Variants in ZNF469 observed in about 807,000 individuals in gnomAD.
ZNF469 encodes zinc finger protein 469.
A neutral mutation model predicts 1.0 loss-of-function variants in ZNF469; 1 was observed. The observed-to-expected ratio is 1.00, with a 90% confidence interval of 0.35 to 4.73. The LOEUF is 4.73. Among genes scored for constraint, ZNF469 ranks in the 30% most tolerant of loss-of-function variants. The pLI, the probability that ZNF469 is intolerant of heterozygous loss-of-function variation, is 0.16. For missense variants in ZNF469, 6,100 were observed against 5,356.3 expected, an observed-to-expected ratio of 1.14 and a Z score of -4.33; for synonymous variants, 2,703 against 2,363.4, an observed-to-expected ratio of 1.14 and a Z score of -4.17.
Position 88,430,455 on chromosome 16 carries a change from G to A in ZNF469, c.2985G>A (p.Arg995=). Residue 995 remains arginine (R), a synonymous_variant, in exon 3 of 3, where the codon CGG becomes CGA. Coordinates refer to ENST00000565624, the MANE Select transcript of ZNF469 (RefSeq NM_001367624.2). Reference sequence around the variant, plus strand: ...GGGAGCGGCCCCCACCCCGTCCCCGGCGCCCTAGAACGCAGGCCCCCGGGA... The same window carrying A: ...GGGAGCGGCCCCCACCCCGTCCCCGACGCCCTAGAACGCAGGCCCCCGGGA... ...GLGERPPPRP[R]RPRTQAPGSR... 1 of 1,493,864 alleles carries A rather than the reference G, an allele frequency of 6.7e-7. No homozygotes were observed. Among genetic ancestry groups the A allele is most frequent in the South Asian group, 1.3e-5 (1 of 79,098 alleles). 92.5% of individuals were successfully genotyped at this position (1,493,864 alleles called of 1,614,324 possible). A position where few individuals can be genotyped will look rare whatever the true frequency, so the allele number is the denominator to read the frequency against.
At chr16:88,190,233 T>C in the ZNF469 span, among the ~76,000 whole-genome samples, 1 of 152,226 alleles carries the variant, frequency 6.6e-6, no homozygotes, top group Non-Finnish European at 1.5e-5. Flanking sequence ...TGTTGTAAAC[T>C]CACAGGAGTG....
chr16:88,430,151 A>G lies in ZNF469; in HGVS notation c.2681A>G (p.Glu894Gly). The change falls in exon 3 of 3, where the codon GAG becomes GGG. Residue 894 changes from glutamate to glycine, a missense_variant. Physicochemically the swap from Glu to Gly is moderately conservative, Grantham distance 98. Coordinates refer to ENST00000565624, the MANE Select transcript of ZNF469 (RefSeq NM_001367624.2). ...AAGAGCAAGGCGGGGGTGACTCCAG[A>G]GAGCAAAGCTCCGCCCCCGCTCCCA... ...PLKSKAGVTP[E>G]SKAPPPLPAA... The G allele has an allele frequency of 1.9e-6, 3 of 1,549,846 alleles. No individual in the cohort carries two copies. Among genetic ancestry groups the G allele is most frequent in the Non-Finnish European group, 2.6e-6 (3 of 1,146,728 alleles).
the ZNF469 span, among the ~76,000 whole-genome samples, chr16:88,337,802 T>A: frequency 6.6e-6 from 1 of 152,212 alleles, no homozygotes; most frequent in African/African-American, 2.4e-5. Flanking sequence ...AGAAGCCCAC[T>A]CAGATACACG....
the ZNF469 span, among the ~76,000 whole-genome samples, chr16:88,197,371 C>G: frequency 1.3e-5 from 2 of 152,164 alleles, no homozygotes; most frequent in African/African-American, 2.4e-5. Context: ...CATGCTAAGT[C>G]CCCCACTAGT....
the ZNF469 span, among the ~76,000 whole-genome samples, chr16:88,227,351 C>G: frequency 1.3e-5 from 2 of 152,162 alleles, no homozygotes; most frequent in Non-Finnish European, 2.9e-5. Context: ...GAGGACCCGT[C>G]AACCGCCACT....
chr16:88,221,948 A>G, the ZNF469 span, among the ~76,000 whole-genome samples: 71,533 of 151,832 alleles, frequency 0.47, 17,324 homozygotes, highest in Middle Eastern at 0.56. Flanking sequence ...CTACATCCTT[A>G]ACTGAACCAC....
the ZNF469 span, among the ~76,000 whole-genome samples, chr16:88,219,174 G>A: frequency 2.7e-5 from 4 of 147,566 alleles, no homozygotes; most frequent in East Asian, 2.0e-4. Flanking sequence ...AATCAATATC[G>A]TGAAAATGGC....
the ZNF469 span, among the ~76,000 whole-genome samples, chr16:88,334,434 T>C: frequency 1.3e-5 from 2 of 152,158 alleles, no homozygotes; most frequent in African/African-American, 4.8e-5. Flanking sequence ...GCATCTGAAA[T>C]CAGACATGCT....
the ZNF469 span, among the ~76,000 whole-genome samples, chr16:88,141,442 C>G: frequency 2.8e-5 from 4 of 144,012 alleles, no homozygotes; most frequent in Admixed American, 1.4e-4. Flanking sequence ...GAGGTACCCC[C>G]GTCCTGGTCC....
chr16:88,129,697 A>T, the ZNF469 span, among the ~76,000 whole-genome samples: 1 of 152,180 alleles, frequency 6.6e-6, no homozygotes, highest in African/African-American at 2.4e-5. Flanking sequence ...TACTAAGAAT[A>T]CAAAAAAATA....
chr16:88,376,835 T>C, the ZNF469 span, among the ~76,000 whole-genome samples: 1 of 152,100 alleles, frequency 6.6e-6, no homozygotes, highest in Non-Finnish European at 1.5e-5. Flanking sequence ...CCAGAGAGGC[T>C]CCTAGGGCAG....
At chr16:88,151,400 AGAAT>A in the ZNF469 span, among the ~76,000 whole-genome samples, 3 of 152,250 alleles carry the variant, frequency 2.0e-5, no homozygotes, top group Non-Finnish European at 4.4e-5. This position sits in a 1 kb window ranked among gnomAD's most constrained non-coding sequence, Gnocchi z 5.4. Context: ...TGCGTGTCAG[AGAAT>A]GAGTGTTTCC....
rs1212559212 is a variant in ZNF469, at chr16:88,434,263, C to T, written c.6793C>T (p.Pro2265Ser). 6.5e-7 allele frequency: 1 copy of T among 1,550,366 alleles called. No homozygotes were observed. The highest frequency in any genetic ancestry group is 8.7e-7 in the Non-Finnish European group (1 of 1,146,978). ...DSRKEKLWES[P>S]GRATSPPLAG... is the part of the protein sequence containing the mutation. Reference sequence around the variant, plus strand: ...CAGAAAAGAGAAGCTGTGGGAGTCTCCTGGCCGAGCCACCTCTCCTCCTCT... The same window carrying T: ...CAGAAAAGAGAAGCTGTGGGAGTCTTCTGGCCGAGCCACCTCTCCTCCTCT... Residue 2265 changes from proline to serine, a missense_variant, in exon 3 of 3, where the codon CCT becomes TCT. Transcript: ENST00000565624.
chr16:88,243,860 TTGGATGCATGGG>T, the ZNF469 span, among the ~76,000 whole-genome samples: 1 of 107,152 alleles, frequency 9.3e-6, no homozygotes, highest in African/African-American at 3.4e-5. Context: ...GGATGGATGG[TTGGATGCATGGG>T]TGGATGAGTG....
chr16:88,409,749 C>T (rs1029243584), intron 1 of ZNF469, among the ~76,000 whole-genome samples: 2 of 152,064 alleles, frequency 1.3e-5, no homozygotes, highest in African/African-American at 2.4e-5. Flanking sequence ...TAAAGCAGGC[C>T]GGGGCCCACA....
chr16:88,275,084 A>C, the ZNF469 span, among the ~76,000 whole-genome samples: 1 of 152,124 alleles, frequency 6.6e-6, no homozygotes, highest in African/African-American at 2.4e-5. Context: ...TGGGCTGGAG[A>C]GATAGGGCAC....
the ZNF469 span, among the ~76,000 whole-genome samples, chr16:88,326,373 C>T: frequency 4.0e-3 from 614 of 152,350 alleles, 5 homozygotes; most frequent in African/African-American, 0.014. Flanking sequence ...TCTCCCCAGC[C>T]ACGTGGAACT....
chr16:88,266,400 G>A, the ZNF469 span, among the ~76,000 whole-genome samples: 1 of 152,224 alleles, frequency 6.6e-6, no homozygotes, highest in Admixed American at 6.5e-5. Flanking sequence ...GAGACAGTAC[G>A]GCCTGTCGTG....
the ZNF469 span, among the ~76,000 whole-genome samples, chr16:88,365,537 T>G: frequency 1.3e-5 from 2 of 152,184 alleles, no homozygotes; most frequent in Admixed American, 6.5e-5. Flanking sequence ...GGGGCAGGGC[T>G]CTGCTGGGAA....
Sources: allele counts gnomAD v4.1 joint callset (sites outside exome capture counted in the v4.1 genomes callset), GRCh38; gene constraint gnomAD v4.1.1; non-coding constraint Gnocchi (gnomAD v3.1); transcripts MANE v1.5; gene names NCBI Gene and HGNC (gene_info 2026-07-23, HGNC 2026-07-21).